The following SULT1C2 variants were observed in gnomAD, a reference collection of about 807,000 sequenced individuals.
The protein encoded by SULT1C2 is sulfotransferase family 1C member 2.
Under a neutral mutation model 36.0 loss-of-function variants are expected in SULT1C2, and 27 were observed. That is an observed-to-expected ratio of 0.75 (90% CI 0.55 to 1.03). The LOEUF is 1.03. Among genes scored for constraint, SULT1C2 ranks in the 50% least tolerant of loss-of-function variants. SULT1C2 has a pLI of 0.00. For synonymous variants in SULT1C2, 121 were observed against 116.0 expected (o/e 1.04, Z -0.27); for missense variants, 395 against 359.2 (o/e 1.10, Z -0.80).
chr2:108,294,176 G>A, intron 2 of SULT1C2, 53 bp from the exon 3 acceptor site: 1 of 1,608,552 alleles, frequency 6.2e-7, no homozygotes, highest in Non-Finnish European at 8.5e-7. Flanking sequence ...GGACTCTTCA[G>A]GGAAGATTGT....
At chr2:108,294,395 C>G in intron 3 of SULT1C2, 41 bp downstream of exon 3, 1 of 1,604,670 alleles carries the variant, frequency 6.2e-7, no homozygotes, top group Non-Finnish European at 8.5e-7. Context: ...GCTTTCTTTC[C>G]CTCTCTCTTC....
rs763791873 is a variant in SULT1C2 at position 108,300,920 on chromosome 2, G to A, written c.360G>A (p.Trp120Ter). The A allele has an allele frequency of 1.8e-5, 29 of 1,614,016 alleles. No homozygotes were observed. Among genetic ancestry groups the A allele is most frequent in the Middle Eastern group, 1.7e-4 (1 of 6,060 alleles). Residue 120 changes from tryptophan to a stop codon, truncating the protein, a stop_gained, in exon 4 of 8, where the codon TGG becomes TGA. Transcript: ENST00000251481. LOFTEE classifies it high-confidence loss of function. ...LSTQLLPPSFWENNCKFLYVA... is the reference protein window; with the variant it reads ...LSTQLLPPSF The stretch of plus-strand genomic sequence containing the variant: ...CTCAGCTGCTGCCACCGTCTTTCTG[G>A]GAAAACAACTGCAAGGTAAGATACC...
At position 108,305,238 on chromosome 2, in the gene SULT1C2, T is replaced by A; in HGVS notation, c.569T>A (p.Leu190His). The A allele has an allele frequency of 6.2e-7, 1 of 1,614,184 alleles. No homozygotes were observed. The highest frequency in any genetic ancestry group is 8.5e-7 in the Non-Finnish European group (1 of 1,180,034). Residue 190 changes from leucine to histidine, a missense_variant, in exon 6 of 8, where the codon CTC becomes CAC. Leu to His is a moderately conservative substitution (Grantham distance 99). Coordinates refer to ENST00000251481, the MANE Select transcript of SULT1C2 (RefSeq NM_001056.4). Reference protein sequence around the residue: ...WWEMKDRHQILFLFYEDIKRD... With the variant: ...WWEMKDRHQIHFLFYEDIKRD... Reference sequence around the variant, plus strand: ...GAGATGAAAGACAGACACCAGATTCTCTTCCTCTTCTATGAGGACATAAAG... The same window carrying A: ...GAGATGAAAGACAGACACCAGATTCACTTCCTCTTCTATGAGGACATAAAG...
intron 7 of SULT1C2, among the ~76,000 whole-genome samples, chr2:108,305,836 C>T (rs1677010973): frequency 6.6e-6 from 1 of 152,208 alleles, no homozygotes; most frequent in Admixed American, 6.5e-5. Context: ...AAGGGGCTTA[C>T]TGTGAAGATT....
intron 1 of SULT1C2, 77 bp from the exon 2 acceptor site, chr2:108,293,570 G>A (rs1284598027): frequency 4.3e-6 from 6 of 1,393,682 alleles, no homozygotes; most frequent in Non-Finnish European, 4.9e-6. Flanking sequence ...ACCTAACGAT[G>A]GTTAAAATGA....
At chr2:108,299,702 A>G (rs1481275653) in intron 3 of SULT1C2, 3 of 152,234 alleles carry the variant, frequency 2.0e-5, no homozygotes, top group African/African-American at 7.2e-5. Context: ...TACCATGACT[A>G]CATGATCCAG....
intron 1 of SULT1C2, among the ~76,000 whole-genome samples, chr2:108,293,016 T>C (rs1228628014): frequency 2.6e-5 from 4 of 151,910 alleles, no homozygotes; most frequent in Admixed American, 2.6e-4. Flanking sequence ...CGGTCCCTAC[T>C]AAAGTCACAA....
intron 1 of SULT1C2, among the ~76,000 whole-genome samples, chr2:108,292,547 T>C (rs900675593): frequency 6.6e-6 from 1 of 151,784 alleles, no homozygotes; most frequent in Non-Finnish European, 1.5e-5. Flanking sequence ...AAAACCCCAA[T>C]GAGCTATTTA....
At chr2:108,305,963 G>A (rs1677015607) in intron 7 of SULT1C2, among the ~76,000 whole-genome samples, 1 of 152,208 alleles carries the variant, frequency 6.6e-6, no homozygotes, top group Admixed American at 6.5e-5. Flanking sequence ...CAGCAGGAGG[G>A]ATGTGTCTTT....
At position 108,304,571 on chromosome 2, in the gene SULT1C2, A is replaced by G; in HGVS notation, c.376-3A>G. The G allele has an allele frequency of 6.3e-7, 1 of 1,594,554 alleles. No individual in the cohort carries two copies. The highest frequency in any genetic ancestry group is 2.2e-5 in the East Asian group (1 of 44,748). ...TTTACCCACCTCTTTTCTTACCCCAAAGTTCCTTTATGTAGCTCGAAATGC... is the reference window on the plus strand; with the variant it reads ...TTTACCCACCTCTTTTCTTACCCCAGAGTTCCTTTATGTAGCTCGAAATGC... On this transcript the variant is annotated splice_polypyrimidine_tract_variant and splice_region_variant and intron_variant, in intron 4 of 7. Coordinates refer to ENST00000251481, the MANE Select transcript of SULT1C2 (RefSeq NM_001056.4).
At chr2:108,308,135 T>C (rs573331459) in intron 7 of SULT1C2, among the ~76,000 whole-genome samples, 1 of 152,308 alleles carries the variant, frequency 6.6e-6, no homozygotes, top group African/African-American at 2.4e-5. Flanking sequence ...CTTGGGTCAG[T>C]TGTCCAGCTG....
chr2:108,295,684 G>T (rs891748294), intron 3 of SULT1C2, among the ~76,000 whole-genome samples: 1 of 152,220 alleles, frequency 6.6e-6, no homozygotes, highest in African/African-American at 2.4e-5. Context: ...TAGGTAAAAA[G>T]CTTGAAGCAG....
chr2:108,294,207 A>G, intron 2 of SULT1C2, 22 bp from the exon 3 acceptor site: 1 of 1,612,602 alleles, frequency 6.2e-7, no homozygotes, highest in Non-Finnish European at 8.5e-7. Flanking sequence ...TCTGCTTCTC[A>G]TCCTTCCTTT....
At chr2:108,306,894 G>A (rs1270317366) in intron 7 of SULT1C2, among the ~76,000 whole-genome samples, 1 of 152,128 alleles carries the variant, frequency 6.6e-6, no homozygotes, top group Admixed American at 6.5e-5. Context: ...GACAAAGTGA[G>A]ACTGTCTCAA....
At chr2:108,304,782 T>G in intron 5 of SULT1C2, 82 bp downstream of exon 5, 1 of 1,525,340 alleles carries the variant, frequency 6.6e-7, no homozygotes, top group Non-Finnish European at 8.8e-7. Context: ...TTTTATCCCC[T>G]AGAATGCCTG....
chr2:108,294,979 G>T (rs527765373), intron 3 of SULT1C2, among the ~76,000 whole-genome samples: 4 of 152,206 alleles, frequency 2.6e-5, no homozygotes, highest in Non-Finnish European at 5.9e-5. Flanking sequence ...TAGGAGGAAG[G>T]CCTACTTCCC....
chr2:108,296,328 G>A (rs1178552829), intron 3 of SULT1C2, among the ~76,000 whole-genome samples: 1 of 152,160 alleles, frequency 6.6e-6, no homozygotes, highest in African/African-American at 2.4e-5. Context: ...TCATACAGAG[G>A]CACCCTGGCC....
In SULT1C2 at chr2:108,293,090, A is replaced by T. The variant is rs191957249; in HGVS notation, c.-21-557A>T. ...GCCACTCAGGAGGCTGAGGCATGAG[A>T]ATCGCTTGAACCCTGGAGGCAGAGG... On this transcript the variant is annotated intron_variant, in intron 1 of 7. Coordinates refer to ENST00000251481, the MANE Select transcript of SULT1C2 (RefSeq NM_001056.4). Among the ~76,000 whole-genome samples, 3 of 151,110 alleles carry T rather than the reference A, an allele frequency of 2.0e-5. No homozygotes were observed. In the East Asian group the frequency reaches 6.0e-4, roughly 30 times the overall value.
intron 1 of SULT1C2, among the ~76,000 whole-genome samples, chr2:108,291,294 C>T (rs1296334215): frequency 1.3e-5 from 2 of 152,182 alleles, no homozygotes; most frequent in African/African-American, 4.8e-5. Context: ...TCTCTGACTG[C>T]TCTTCTACAC....
Sources: allele counts gnomAD v4.1 joint callset (sites outside exome capture counted in the v4.1 genomes callset), GRCh38; gene constraint gnomAD v4.1.1; transcripts MANE v1.5; gene names NCBI Gene and HGNC (gene_info 2026-07-23, HGNC 2026-07-21).